The following PLBD1 variants were observed in gnomAD, a reference collection of about 807,000 sequenced individuals.
PLBD1 encodes lysosomal leucine aminopeptidase.
A neutral mutation model predicts 63.0 loss-of-function variants in PLBD1; 60 were observed. That is an observed-to-expected ratio of 0.95 (90% confidence interval 0.77 to 1.18). PLBD1 has a LOEUF of 1.18. PLBD1 is among the 50% of genes most tolerant of loss of function. The pLI, the probability that PLBD1 is intolerant of heterozygous loss-of-function variation, is 0.00. For synonymous variants in PLBD1, 262 were observed against 248.0 expected, an observed-to-expected ratio of 1.06 and a Z score of -0.53; for missense variants, 598 against 677.9, an observed-to-expected ratio of 0.88 and a Z score of 1.31.
At chr12:14,531,577 G>T (rs1193014742) in intron 6 of PLBD1, among the ~76,000 whole-genome samples, 1 of 152,126 alleles carries the variant, frequency 6.6e-6, no homozygotes, top group Admixed American at 6.5e-5. Flanking sequence ...AACATAGATC[G>T]ACATGTTTTC....
intron 2 of PLBD1, among the ~76,000 whole-genome samples, chr12:14,548,978 C>T (rs756295009): frequency 6.6e-6 from 1 of 152,160 alleles, no homozygotes; most frequent in Non-Finnish European, 1.5e-5. Context: ...TATTAAAAAT[C>T]GATCCATGAT....
At chr12:14,514,787 G>A (rs78374962) in intron 6 of PLBD1, among the ~76,000 whole-genome samples, 3,134 of 150,622 alleles carry the variant, frequency 0.021, 91 homozygotes, top group African/African-American at 0.072. Context: ...TGCCCAGGCT[G>A]GTGTCGAGCT....
At chr12:14,543,503 G>A (rs534268081) in intron 2 of PLBD1, among the ~76,000 whole-genome samples, 2 of 152,222 alleles carry the variant, frequency 1.3e-5, no homozygotes, top group South Asian at 4.1e-4. Flanking sequence ...CAGATCACGA[G>A]GTCAGGAGTT....
intron 6 of PLBD1, among the ~76,000 whole-genome samples, chr12:14,512,651 G>A (rs1945307102): frequency 6.6e-6 from 1 of 152,078 alleles, no homozygotes; most frequent in Admixed American, 6.6e-5. Flanking sequence ...TAGAATATCA[G>A]GCACAGCTGT....
At chr12:14,529,825 A>T (rs997576112) in intron 6 of PLBD1, among the ~76,000 whole-genome samples, 6 of 152,212 alleles carry the variant, frequency 3.9e-5, no homozygotes, top group African/African-American at 1.4e-4. Flanking sequence ...AAGAAGTCAA[A>T]CTGTCTTTAT....
chr12:14,514,391 G>A (rs1220800425), intron 6 of PLBD1, among the ~76,000 whole-genome samples: 1 of 152,204 alleles, frequency 6.6e-6, no homozygotes, highest in East Asian at 1.9e-4. Flanking sequence ...GGAATGACAA[G>A]TTTGCTAATT....
chr12:14,531,759 T>A (rs548928946), intron 6 of PLBD1, among the ~76,000 whole-genome samples: 1 of 152,090 alleles, frequency 6.6e-6, no homozygotes. Flanking sequence ...GCCTCCCAAA[T>A]AGCTGGGATT....
intron 8 of PLBD1, among the ~76,000 whole-genome samples, chr12:14,509,882 CTATT>C (rs758640539): frequency 1.3e-5 from 2 of 152,108 alleles, no homozygotes; most frequent in African/African-American, 2.4e-5. Flanking sequence ...ATAAATCTAT[CTATT>C]TATCTTAATT....
intron 1 of PLBD1, among the ~76,000 whole-genome samples, chr12:14,565,409 T>G (rs896555148): frequency 6.7e-6 from 1 of 149,776 alleles, no homozygotes; most frequent in Non-Finnish European, 1.5e-5. Context: ...GAGGTTGCAG[T>G]GAGCCGAGAT....
intron 6 of PLBD1, among the ~76,000 whole-genome samples, chr12:14,527,919 G>A (rs1009856336): frequency 1.3e-5 from 2 of 151,434 alleles, no homozygotes; most frequent in African/African-American, 4.8e-5. Flanking sequence ...TAGACATTAA[G>A]GCAAGGAGTT....
At chr12:14,536,034 G>C in intron 5 of PLBD1, 2 of 465,678 alleles carry the variant, frequency 4.3e-6, no homozygotes, top group Non-Finnish European at 7.5e-6. Flanking sequence ...GGTGGCTTAC[G>C]CTCGAAATCC....
intron 1 of PLBD1, 94 bp downstream of exon 1, chr12:14,567,488 C>A: frequency 7.3e-7 from 1 of 1,376,020 alleles, no homozygotes; most frequent in Non-Finnish European, 9.3e-7. Context: ...CAGACGCCCG[C>A]TGGACGTCAA....
At chr12:14,556,309 G>A (rs1186507473) in intron 1 of PLBD1, among the ~76,000 whole-genome samples, 3 of 152,096 alleles carry the variant, frequency 2.0e-5, no homozygotes, top group Admixed American at 6.5e-5. Flanking sequence ...AGGCTAGAAA[G>A]TTTTCAGATT....
At chr12:14,526,435 G>A (rs1945416036) in intron 6 of PLBD1, among the ~76,000 whole-genome samples, 1 of 152,108 alleles carries the variant, frequency 6.6e-6, no homozygotes. Flanking sequence ...GGTAATGATG[G>A]CCAGTTCCTT....
Position 14,511,426 on chromosome 12 carries a change from G to A in PLBD1, c.1046-26C>T, listed in dbSNP as rs760719242. On this transcript the variant is annotated intron_variant, in intron 7 of 10. Transcript: ENST00000240617. ...CTGAAATATCAGGAAACATGAAGAC[G>A]GGGCATGGGTATGACTTTACTGGTT... is the stretch of plus-strand genomic sequence containing the variant. The A allele has an allele frequency of 2.0e-5, 33 of 1,613,026 alleles. No homozygotes were observed. The African/African-American group carries it at 2.8e-4, about 14-fold the overall frequency.
intron 8 of PLBD1, among the ~76,000 whole-genome samples, chr12:14,510,171 A>C (rs958219057): frequency 3.3e-5 from 5 of 152,154 alleles, no homozygotes; most frequent in African/African-American, 1.2e-4. Context: ...GCCGACGCAG[A>C]CAGATCACCT....
chr12:14,555,619 C>A (rs1201732507), intron 1 of PLBD1, among the ~76,000 whole-genome samples: 1 of 152,186 alleles, frequency 6.6e-6, no homozygotes, highest in East Asian at 1.9e-4. Context: ...ACCTATCCAG[C>A]TTCCTCATCA....
chr12:14,521,307 T>C (rs1292734253), intron 6 of PLBD1, among the ~76,000 whole-genome samples: 4 of 152,118 alleles, frequency 2.6e-5, no homozygotes, highest in Non-Finnish European at 5.9e-5. Flanking sequence ...GGCCACACCT[T>C]ACCCTGAAGG....
intron 6 of PLBD1, among the ~76,000 whole-genome samples, chr12:14,532,260 C>T (rs78522022): frequency 6.6e-6 from 1 of 152,090 alleles, no homozygotes; most frequent in Non-Finnish European, 1.5e-5. Context: ...TGCAAAGGCC[C>T]GTTTGTGTTG....
Sources: allele counts gnomAD v4.1 joint callset (sites outside exome capture counted in the v4.1 genomes callset), GRCh38; gene constraint gnomAD v4.1.1; transcripts MANE v1.5; gene names NCBI Gene and HGNC (gene_info 2026-07-23, HGNC 2026-07-21).